Variants in ADAM32 observed in about 807,000 individuals in gnomAD.
The protein encoded by ADAM32 is disintegrin and metalloproteinase domain-containing protein 32.
ADAM32 carries 89 observed loss-of-function variants against 114.9 expected under a neutral mutation model. The ratio of observed to expected loss-of-function variants is 0.77; its 90% CI spans 0.65 to 0.92. The LOEUF (loss-of-function observed/expected upper bound fraction) is 0.92. Ranked by LOEUF, ADAM32 falls within the 40% of genes least tolerant of loss-of-function variation. The probability of loss-of-function intolerance (pLI) is 0.00; values close to 1 mark genes in which losing one functional copy is unlikely to be tolerated. For synonymous variants in ADAM32, 285 were observed against 307.5 expected (o/e 0.93, Z 0.77); for missense variants, 870 against 932.8 (o/e 0.93, Z 0.88).
chr8:39,131,165 C>T (rs1018748632), intron 2 of ADAM32, among the ~76,000 whole-genome samples: 1 of 151,986 alleles, frequency 6.6e-6, no homozygotes, highest in African/African-American at 2.4e-5. Context: ...ACCGTGTTAG[C>T]CAGGATGGTC....
chr8:39,108,201 C>T (rs879656458), intron 1 of ADAM32: 7 of 173,430 alleles, frequency 4.0e-5, no homozygotes, highest in African/African-American at 7.1e-5. Context: ...AGGAGGACCA[C>T]GTGAGTCCAG....
At chr8:39,248,371 T>A (rs567403210) in intron 17 of ADAM32, among the ~76,000 whole-genome samples, 5 of 152,150 alleles carry the variant, frequency 3.3e-5, no homozygotes, top group Non-Finnish European at 5.9e-5. Flanking sequence ...CCTTCATCAG[T>A]GTTTTGTAGT....
At chr8:39,108,920 C>A (rs1250820732) in intron 1 of ADAM32, among the ~76,000 whole-genome samples, 1 of 152,236 alleles carries the variant, frequency 6.6e-6, no homozygotes, top group East Asian at 1.9e-4. Context: ...GGAGGAAATT[C>A]TCTGATGTCT....
intron 14 of ADAM32, among the ~76,000 whole-genome samples, chr8:39,224,907 G>C (rs910344629): frequency 5.3e-5 from 8 of 152,184 alleles, no homozygotes; most frequent in African/African-American, 1.9e-4. Flanking sequence ...GCTGATTACA[G>C]CAGCATATCT....
chr8:39,253,253 A>C (rs1811419577), intron 17 of ADAM32, among the ~76,000 whole-genome samples: 1 of 151,662 alleles, frequency 6.6e-6, no homozygotes, highest in African/African-American at 2.4e-5. Flanking sequence ...ACACCCTTTC[A>C]TTATAAAAAC....
chr8:39,145,132 A>C (rs575564267), intron 3 of ADAM32, among the ~76,000 whole-genome samples: 5 of 152,338 alleles, frequency 3.3e-5, no homozygotes, highest in African/African-American at 9.6e-5. Context: ...CTGTATACTG[A>C]GAGCTAGAAA....
At chr8:39,233,170 T>G (rs906124970) in intron 15 of ADAM32, among the ~76,000 whole-genome samples, 8 of 152,108 alleles carry the variant, frequency 5.3e-5, no homozygotes, top group Non-Finnish European at 1.2e-4. Context: ...GAAAGCAAAT[T>G]TATTAAGAAA....
intron 11 of ADAM32, among the ~76,000 whole-genome samples, chr8:39,207,630 T>A (rs966590288): frequency 1.3e-5 from 2 of 152,248 alleles, no homozygotes; most frequent in Admixed American, 1.3e-4. Flanking sequence ...GTCACCCTAC[T>A]GTGTAATAAA....
At chr8:39,231,125 A>G (rs1308361067) in intron 14 of ADAM32, among the ~76,000 whole-genome samples, 1 of 152,184 alleles carries the variant, frequency 6.6e-6, no homozygotes, top group African/African-American at 2.4e-5. Context: ...AAGGTCTACA[A>G]TCAGTCAGTT....
intron 2 of ADAM32, among the ~76,000 whole-genome samples, chr8:39,125,667 T>G (rs1023716581): frequency 5.9e-5 from 9 of 152,184 alleles, no homozygotes; most frequent in African/African-American, 2.2e-4. Flanking sequence ...CCACAGAAGC[T>G]TTTTAGTTTA....
intron 23 of ADAM32, among the ~76,000 whole-genome samples, chr8:39,282,799 A>C (rs1438156465): frequency 6.6e-6 from 1 of 152,280 alleles, no homozygotes; most frequent in East Asian, 1.9e-4. Context: ...ATGGGTGTAC[A>C]TTTCAGTAGA....
At chr8:39,229,914 A>G (rs1224317254) in intron 14 of ADAM32, among the ~76,000 whole-genome samples, 1 of 152,166 alleles carries the variant, frequency 6.6e-6, no homozygotes. Flanking sequence ...CAATGCATGG[A>G]ACTCACTCCA....
At chr8:39,115,266 T>C (rs1412730525) in intron 1 of ADAM32, among the ~76,000 whole-genome samples, 1 of 152,164 alleles carries the variant, frequency 6.6e-6, no homozygotes, top group Non-Finnish European at 1.5e-5. Context: ...ATGGGAGTTC[T>C]CTTTTAGGTT....
At chr8:39,245,350 A>G (rs1357713272) in intron 16 of ADAM32, among the ~76,000 whole-genome samples, 1 of 152,228 alleles carries the variant, frequency 6.6e-6, no homozygotes, top group Non-Finnish European at 1.5e-5. Context: ...TATTGGGTAC[A>G]GTGTGCACTG....
At chr8:39,151,952 C>A (rs1382929013) in intron 6 of ADAM32, among the ~76,000 whole-genome samples, 1 of 152,090 alleles carries the variant, frequency 6.6e-6, no homozygotes, top group African/African-American at 2.4e-5. Flanking sequence ...CATGAGCCAC[C>A]GTGCCTGGCT....
intron 11 of ADAM32, among the ~76,000 whole-genome samples, chr8:39,204,098 C>G (rs1274853951): frequency 3.9e-5 from 6 of 152,156 alleles, no homozygotes; most frequent in Admixed American, 3.9e-4. Flanking sequence ...GTGAATCTGA[C>G]AATTATGTGT....
chr8:39,206,532 G>T (rs1403414476), intron 11 of ADAM32, among the ~76,000 whole-genome samples: 1 of 152,188 alleles, frequency 6.6e-6, no homozygotes, highest in Non-Finnish European at 1.5e-5. Context: ...GTAGATGCAG[G>T]TACACAGTGA....
At chr8:39,184,266 A>C (rs781120180) in intron 10 of ADAM32, among the ~76,000 whole-genome samples, 1 of 152,192 alleles carries the variant, frequency 6.6e-6, no homozygotes, top group Non-Finnish European at 1.5e-5. Context: ...GGGATGCCAT[A>C]TTACTCTTGA....
intron 3 of ADAM32, among the ~76,000 whole-genome samples, chr8:39,140,943 A>G (rs1803113717): frequency 6.6e-6 from 1 of 152,002 alleles, no homozygotes; most frequent in African/African-American, 2.4e-5. Context: ...TTTGCATAGA[A>G]TTTATCCATT....
Sources: gnomAD v4.1 joint callset for allele counts (sites outside exome capture counted in the v4.1 genomes callset) on GRCh38, gnomAD v4.1.1 for gene constraint, MANE v1.5 for transcripts, NCBI Gene and HGNC (gene_info 2026-07-23, HGNC 2026-07-21) for gene names.